The following NLGN4X variants were observed in gnomAD, a reference collection of about 807,000 sequenced individuals.
NLGN4X encodes the protein neuroligin-4, X-linked.
Under a neutral mutation model 40.3 loss-of-function variants are expected in NLGN4X, and 3 were observed. The observed-to-expected ratio is 0.07, with a 90% CI of 0.03 to 0.19. NLGN4X has a LOEUF of 0.19. Ranked by LOEUF, NLGN4X falls within the 10% of genes least tolerant of loss-of-function variation. The pLI is 1.00. For missense variants in NLGN4X, 382 were observed against 708.3 expected, an observed-to-expected ratio of 0.54 and a Z score of 5.23; for synonymous variants, 270 against 306.8, an observed-to-expected ratio of 0.88 and a Z score of 1.25.
intron 3 of NLGN4X, among the ~76,000 whole-genome samples, chrX:5,913,284 C>A (rs2032602793): frequency 9.0e-6 from 1 of 111,152 alleles, no homozygotes; most frequent in South Asian, 3.8e-4. Flanking sequence ...GGTTTTGCCT[C>A]CTGATTGTAG....
At chrX:6,143,785 G>C (rs2039994911) in intron 2 of NLGN4X, among the ~76,000 whole-genome samples, 1 of 112,041 alleles carries the variant, frequency 8.9e-6, no homozygotes, top group African/African-American at 3.2e-5. Flanking sequence ...TAGGGTTCCA[G>C]ACCAGTCTGG....
intron 1 of NLGN4X, among the ~76,000 whole-genome samples, chrX:6,155,540 T>C (rs1217727740): frequency 8.9e-6 from 1 of 111,794 alleles, no homozygotes; most frequent in Non-Finnish European, 1.9e-5. Flanking sequence ...GTTACCAAAA[T>C]GAATGACCAC....
At position 6,036,643 on chromosome X, in the gene NLGN4X, C is replaced by CACACACAA. The variant is rs1177520572; in HGVS notation, c.473-7212_473-7211insTTGTGTGT. 2.6e-3 allele frequency among the ~76,000 whole-genome samples: 281 copies of CACACACAA among 109,358 alleles called. 3 individuals carry two copies. Among genetic ancestry groups the CACACACAA allele is most frequent in the African/African-American group, 9.1e-3 (273 of 30,006 alleles). 95.0% of individuals were successfully genotyped at this position (109,358 alleles called of 115,157 possible). On this transcript the variant is annotated intron_variant, in intron 2 of 5. Transcript: ENST00000381095. ...ACACACACACACACACACACACACACAGCCCAAATAAAACCTAGGTAGGCT... is the reference window on the plus strand; with the variant it reads ...ACACACACACACACACACACACACACACACACAAAGCCCAAATAAAACCTAGGTAGGCT...
intron 2 of NLGN4X, among the ~76,000 whole-genome samples, chrX:6,121,978 T>A (rs946750728): frequency 6.2e-5 from 7 of 112,572 alleles, no homozygotes. Context: ...CAGTGGAATT[T>A]TATGGCAATG....
chrX:6,077,876 T>C (rs1443772344), intron 2 of NLGN4X, among the ~76,000 whole-genome samples: 1 of 111,704 alleles, frequency 9.0e-6, no homozygotes, highest in East Asian at 2.8e-4. Context: ...TGACAAGAGA[T>C]TGTTCCTTCT....
chrX:6,071,792 G>A (rs915014999), intron 2 of NLGN4X, among the ~76,000 whole-genome samples: 2 of 111,984 alleles, frequency 1.8e-5, no homozygotes, highest in Non-Finnish European at 3.8e-5. Flanking sequence ...TGCTTGGAGA[G>A]TGCTTTGTGA....
chrX:5,939,795 C>G (rs1003382831), intron 3 of NLGN4X, among the ~76,000 whole-genome samples: 3 of 111,592 alleles, frequency 2.7e-5, no homozygotes, highest in Non-Finnish European at 5.6e-5. Flanking sequence ...GGAAGAAACA[C>G]CTAAAATAAT....
intron 1 of NLGN4X, among the ~76,000 whole-genome samples, chrX:6,193,226 G>A (rs888199890): frequency 1.8e-5 from 2 of 110,458 alleles, no homozygotes; most frequent in Non-Finnish European, 3.8e-5. Flanking sequence ...TCGAGACCAC[G>A]GTGAAACCCC....
intron 3 of NLGN4X, among the ~76,000 whole-genome samples, chrX:5,924,884 A>G (rs1008899199): frequency 9.0e-6 from 1 of 110,801 alleles, no homozygotes; most frequent in Admixed American, 9.7e-5. Flanking sequence ...GGGGGATAAA[A>G]TACTACAAAT....
chrX:5,953,110 C>G (rs2034371310), intron 3 of NLGN4X, among the ~76,000 whole-genome samples: 1 of 111,102 alleles, frequency 9.0e-6, no homozygotes, highest in African/African-American at 3.3e-5. Flanking sequence ...CAGGTTCACA[C>G]CTGTAATCGT....
intron 1 of NLGN4X, among the ~76,000 whole-genome samples, chrX:6,199,700 T>A (rs1420421807): frequency 8.9e-6 from 1 of 111,756 alleles, no homozygotes; most frequent in Non-Finnish European, 1.9e-5. Context: ...CGGACCAGAA[T>A]GAGAAATTTG....
At chrX:5,922,242 A>AG (rs2033098795) in intron 3 of NLGN4X, among the ~76,000 whole-genome samples, 1 of 109,802 alleles carries the variant, frequency 9.1e-6, no homozygotes, top group South Asian at 3.9e-4. Flanking sequence ...CTTCGTGGGG[A>AG]GGGGGGGAAA....
At position 5,893,010 on chromosome X, in the gene NLGN4X, C is replaced by T; in HGVS notation, c.2258G>A (p.Arg753Lys). 8.3e-7 allele frequency: 1 copy of T among 1,211,271 alleles called. No individual in the cohort carries two copies. Among genetic ancestry groups the T allele is most frequent in the African/African-American group, 1.7e-5 (1 of 57,616 alleles). ...CESLQAHDTL[R>K]LTCPPDYTLT... Reference sequence around the variant, plus strand: ...GGTGTAGTCTGGCGGGCAGGTGAGCCTCAGTGTGTCGTGTGCCTGCAGCGA... The same window carrying T: ...GGTGTAGTCTGGCGGGCAGGTGAGCTTCAGTGTGTCGTGTGCCTGCAGCGA... The change falls in exon 6 of 6, where the codon AGG becomes AAG. Residue 753 changes from arginine to lysine, a missense_variant. Physicochemically the swap from Arg to Lys is conservative, Grantham distance 26. Coordinates refer to ENST00000381095, the MANE Select transcript of NLGN4X (RefSeq NM_181332.3).
chrX:5,890,098 T>C lies in NLGN4X; in HGVS notation c.*2719A>G, dbSNP rs1459040661. 1.3e-5 allele frequency: 3 copies of C among 226,027 alleles called. No individual in the cohort carries two copies. The East Asian group carries it at 4.8e-4, about 36-fold the overall frequency. The allele number at this position is 226,027 out of a possible 1,213,427, so 18.6% of individuals were successfully genotyped here. A position where few individuals can be genotyped will look rare whatever the true frequency, so the allele number is the denominator to read the frequency against. ...AATGCTGCTGAAAAGTTTATACATA[T>C]GTGTCCGGCCATATATATCTTCTAT... On this transcript the variant is annotated 3_prime_UTR_variant, in exon 6 of 6. Coordinates refer to ENST00000381095, the MANE Select transcript of NLGN4X (RefSeq NM_181332.3).
chrX:6,000,752 T>C (rs1448346568), intron 3 of NLGN4X, among the ~76,000 whole-genome samples: 1 of 111,518 alleles, frequency 9.0e-6, no homozygotes, highest in Non-Finnish European at 1.9e-5. Flanking sequence ...AACAAGTCTC[T>C]AGAAAGTTCC....
chrX:6,185,481 A>G (rs1239225666), intron 1 of NLGN4X, among the ~76,000 whole-genome samples: 1 of 112,008 alleles, frequency 8.9e-6, no homozygotes, highest in Non-Finnish European at 1.9e-5. Context: ...GGCAGAGAAC[A>G]ACATGCCAGC....
chrX:5,907,344 C>A (rs1422265283), intron 4 of NLGN4X, among the ~76,000 whole-genome samples: 1 of 111,805 alleles, frequency 8.9e-6, no homozygotes, highest in Non-Finnish European at 1.9e-5. Context: ...GTGGACTCCT[C>A]TTTGAAGTCT....
chrX:6,152,018 A>G (rs1462208047), intron 1 of NLGN4X, among the ~76,000 whole-genome samples: 1 of 111,363 alleles, frequency 9.0e-6, no homozygotes, highest in Non-Finnish European at 1.9e-5. Context: ...TGGTGCTGTC[A>G]TAGCTCACTG....
At chrX:6,210,214 G>A (rs1168956044) in intron 1 of NLGN4X, among the ~76,000 whole-genome samples, 1 of 104,189 alleles carries the variant, frequency 9.6e-6, no homozygotes, top group Non-Finnish European at 1.9e-5. Context: ...AATTGCAGTT[G>A]ATTCTTTGTG....
Sources: gnomAD v4.1 joint callset for allele counts (sites outside exome capture counted in the v4.1 genomes callset) on GRCh38, gnomAD v4.1.1 for gene constraint, MANE v1.5 for transcripts, NCBI Gene and HGNC (gene_info 2026-07-23, HGNC 2026-07-21) for gene names.